Variants in ARHGEF16 observed in about 807,000 individuals in gnomAD.
The protein encoded by ARHGEF16 is Rho guanine nucleotide exchange factor 16.
A neutral mutation model predicts 74.1 loss-of-function variants in ARHGEF16; 59 were observed. The ratio of observed to expected loss-of-function variants is 0.80; its 90% CI spans 0.65 to 0.99. The LOEUF (loss-of-function observed/expected upper bound fraction) is 0.99. Among genes scored for constraint, ARHGEF16 ranks in the 50% least tolerant of loss-of-function variants. The probability of loss-of-function intolerance (pLI) is 0.00; values close to 1 mark genes in which losing one functional copy is unlikely to be tolerated. For synonymous variants in ARHGEF16, 415 were observed against 412.6 expected (o/e 1.01, Z -0.07); for missense variants, 948 against 986.6 (o/e 0.96, Z 0.52).
chr1:3,465,172 C>T (rs911821261), intron 2 of ARHGEF16, among the ~76,000 whole-genome samples: 3 of 152,274 alleles, frequency 2.0e-5, no homozygotes, highest in African/African-American at 7.2e-5. Flanking sequence ...AGTCAGCAGA[C>T]ACTTCTGGGC....
intron 3 of ARHGEF16, chr1:3,466,919 G>A: frequency 2.2e-6 from 1 of 453,464 alleles, no homozygotes; most frequent in Non-Finnish European, 3.9e-6. Context: ...CTCAGGGTAA[G>A]GCTGGTTGGG....
At chr1:3,464,218 AC>A (rs1639480782) in intron 2 of ARHGEF16, among the ~76,000 whole-genome samples, 1 of 151,998 alleles carries the variant, frequency 6.6e-6, no homozygotes, top group Non-Finnish European at 1.5e-5. Context: ...GTGGCGGCAG[AC>A]CCTTTGCTGG....
At chr1:3,455,430 G>A (rs886079062) in intron 1 of ARHGEF16, among the ~76,000 whole-genome samples, 1 of 152,162 alleles carries the variant, frequency 6.6e-6, no homozygotes, top group African/African-American at 2.4e-5. Context: ...GGGAGATGGG[G>A]AGGGGGAGGG....
chr1:3,469,667 T>G, intron 6 of ARHGEF16, 74 bp downstream of exon 6: 1 of 1,574,168 alleles, frequency 6.4e-7, no homozygotes, highest in Non-Finnish European at 8.6e-7. Flanking sequence ...CACCGCACTG[T>G]CATCAGCAGG....
chr1:3,471,539 G>A, intron 6 of ARHGEF16: 1 of 757,052 alleles, frequency 1.3e-6, no homozygotes, highest in Non-Finnish European at 1.7e-6. Flanking sequence ...GGATGGGGCT[G>A]GGGGAGGGGG....
intron 6 of ARHGEF16, among the ~76,000 whole-genome samples, chr1:3,470,756 C>T (rs547114224): frequency 7.6e-6 from 1 of 131,032 alleles, no homozygotes; most frequent in East Asian, 2.5e-4. Context: ...GGCCCCAAGG[C>T]CCGGAGGGTG....
intron 3 of ARHGEF16, 163 bp from the exon 4 acceptor site, chr1:3,467,005 T>C: frequency 1.4e-6 from 1 of 695,664 alleles, no homozygotes; most frequent in African/African-American, 1.8e-5. Flanking sequence ...ATAGGAGAGG[T>C]CTTGGGACTG....
At chr1:3,458,292 T>C (rs1639310746) in intron 1 of ARHGEF16, among the ~76,000 whole-genome samples, 1 of 152,104 alleles carries the variant, frequency 6.6e-6, no homozygotes, top group Non-Finnish European at 1.5e-5. Flanking sequence ...AAGCCCCCAC[T>C]CAGCAAGTCA....
intron 1 of ARHGEF16, among the ~76,000 whole-genome samples, chr1:3,455,853 G>C (rs1639255224): frequency 1.3e-5 from 2 of 152,290 alleles, no homozygotes; most frequent in African/African-American, 4.8e-5. Flanking sequence ...AATGGGACTA[G>C]TAGGAGTGTT....
In ARHGEF16 at chr1:3,477,907, G is replaced by A. The variant is rs777039565; in HGVS notation, c.1506G>A (p.Leu502=). The change falls in exon 11 of 15, where the codon CTG becomes CTA. Residue 502 remains leucine (L), a synonymous_variant. Transcript: ENST00000378378. ...CACTGATCTCTGCCTCCCGGTGGCT[G>A]CTGAAGCGCGGAGAGCTGTTCTTAG... ...SLPLISASRW[L]LKRGELFLVE... is the part of the protein sequence containing the mutation. 43 of 1,612,540 alleles carry A rather than the reference G, an allele frequency of 2.7e-5. No homozygotes were observed. The highest frequency in any genetic ancestry group is 3.4e-5 in the Non-Finnish European group (40 of 1,179,922).
rs1640034677 is a variant in ARHGEF16 at position 3,480,702 on chromosome 1, CT to C, written c.*117del. 5.8e-6 allele frequency: 8 copies of C among 1,372,074 alleles called. No individual in the cohort carries two copies. Among genetic ancestry groups the C allele is most frequent in the Admixed American group, 2.3e-5 (1 of 43,772 alleles). The allele number at this position is 1,372,074 out of a possible 1,614,324, so 85.0% of individuals were successfully genotyped here. ...AAGGACCCAGCATGGTTCCCTGGGG[CT>C]TCCCAAGAGCCTGTGGCTGTGGTGC... On this transcript the variant is annotated 3_prime_UTR_variant, in exon 15 of 15. Coordinates refer to ENST00000378378, the MANE Select transcript of ARHGEF16 (RefSeq NM_014448.4).
intron 1 of ARHGEF16, among the ~76,000 whole-genome samples, chr1:3,455,495 T>G (rs1639247808): frequency 6.6e-6 from 1 of 152,062 alleles, no homozygotes. Context: ...CTCAGCCTCT[T>G]TCTGCGTCTG....
intron 6 of ARHGEF16, chr1:3,471,586 T>C: frequency 1.8e-6 from 2 of 1,087,472 alleles, no homozygotes; most frequent in Non-Finnish European, 2.3e-6. Context: ...CCCCCAGCTC[T>C]GCCCCCAGCC....
intron 10 of ARHGEF16, among the ~76,000 whole-genome samples, chr1:3,477,260 C>A (rs1388126273): frequency 1.4e-5 from 1 of 70,514 alleles, no homozygotes; most frequent in Non-Finnish European, 3.0e-5. Context: ...TCTGCCCTCC[C>A]CCCCACCCTG....
At chr1:3,466,751 C>T (rs948265038) in intron 3 of ARHGEF16, among the ~76,000 whole-genome samples, 2 of 152,196 alleles carry the variant, frequency 1.3e-5, no homozygotes, top group African/African-American at 4.8e-5. Context: ...GCTAAGGCCT[C>T]GAGTGCCCAG....
intron 4 of ARHGEF16, among the ~76,000 whole-genome samples, chr1:3,467,715 G>A (rs1639588236): frequency 6.6e-6 from 1 of 152,184 alleles, no homozygotes; most frequent in African/African-American, 2.4e-5. Context: ...CTGGGGCCAG[G>A]GCCAAGACAC....
chr1:3,471,844 C>G (rs1639733572), intron 6 of ARHGEF16: 7 of 1,040,740 alleles, frequency 6.7e-6, no homozygotes, highest in Non-Finnish European at 8.2e-6. Context: ...CTGCAGTCAC[C>G]CATATGAGCT....
intron 6 of ARHGEF16, chr1:3,471,861 C>CGGCCT (rs1163420032): frequency 9.7e-7 from 1 of 1,027,764 alleles, no homozygotes; most frequent in Non-Finnish European, 1.2e-6. Flanking sequence ...AGCTGCTGAC[C>CGGCCT]GGCCTGGCCG....
At chr1:3,457,839 T>C (rs1270248178) in intron 1 of ARHGEF16, among the ~76,000 whole-genome samples, 1 of 152,132 alleles carries the variant, frequency 6.6e-6, no homozygotes, top group Non-Finnish European at 1.5e-5. Flanking sequence ...ACTATATGTG[T>C]TGGGGATACC....
Sources: gnomAD v4.1 joint callset for allele counts (sites outside exome capture counted in the v4.1 genomes callset) on GRCh38, gnomAD v4.1.1 for gene constraint, MANE v1.5 for transcripts, NCBI Gene and HGNC (gene_info 2026-07-23, HGNC 2026-07-21) for gene names.